Variants in ATOSA observed in about 807,000 individuals in gnomAD.
The protein encoded by ATOSA is atos homolog A.
At chr15:52,610,544 T>A in the ATOSA span, among the ~76,000 whole-genome samples, 1,156 of 152,356 alleles carry the variant, frequency 7.6e-3, 15 homozygotes, top group African/African-American at 0.027. Context: ...ATAATTCTGA[T>A]AAAACCAATG....
the ATOSA span, among the ~76,000 whole-genome samples, chr15:52,651,539 C>T: frequency 1.3e-5 from 2 of 152,200 alleles, no homozygotes; most frequent in Admixed American, 1.3e-4. Flanking sequence ...ACAGTTAATG[C>T]TTCTGGCTAA....
chr15:52,703,376 C>T, the ATOSA span, among the ~76,000 whole-genome samples: 14 of 152,048 alleles, frequency 9.2e-5, no homozygotes, highest in African/African-American at 3.4e-4. Flanking sequence ...CAAAAATGGT[C>T]TTTAAAAGAT....
the ATOSA span, among the ~76,000 whole-genome samples, chr15:52,619,265 A>T: frequency 1.8e-4 from 27 of 152,254 alleles, no homozygotes; most frequent in Non-Finnish European, 2.8e-4. Flanking sequence ...GCAGTAAAAA[A>T]TTTTTTTAAA....
At chr15:52,630,513 T>A in the ATOSA span, among the ~76,000 whole-genome samples, 1 of 152,336 alleles carries the variant, frequency 6.6e-6, no homozygotes, top group Non-Finnish European at 1.5e-5. Context: ...GATTTCACAT[T>A]CAAAGGATTG....
At chr15:52,588,716 T>C in the ATOSA span, among the ~76,000 whole-genome samples, 1 of 152,240 alleles carries the variant, frequency 6.6e-6, no homozygotes, top group African/African-American at 2.4e-5. Flanking sequence ...CCACCCAAAG[T>C]GCTGGGATGA....
chr15:52,643,455 C>CTT, the ATOSA span, among the ~76,000 whole-genome samples: 24 of 133,340 alleles, frequency 1.8e-4, no homozygotes, highest in East Asian at 4.1e-4. Flanking sequence ...CCTCACCTGG[C>CTT]TTTTTTTTTT....
At chr15:52,601,013 A>T in the ATOSA span, 2 of 883,704 alleles carry the variant, frequency 2.3e-6, no homozygotes, top group African/African-American at 3.4e-5. Context: ...TAGAATCAAC[A>T]TTATTTATTG....
At chr15:52,625,244 TACCTA>T in the ATOSA span, among the ~76,000 whole-genome samples, 11 of 152,080 alleles carry the variant, frequency 7.2e-5, no homozygotes, top group African/African-American at 2.7e-4. Context: ...AGTTTCTCAA[TACCTA>T]GTACAAGTCA....
the ATOSA span, among the ~76,000 whole-genome samples, chr15:52,632,689 A>T: frequency 2.0e-5 from 3 of 152,242 alleles, no homozygotes; most frequent in Admixed American, 6.5e-5. Flanking sequence ...TTTAAAAATG[A>T]CTATAAACAT....
chr15:52,629,356 T>G, the ATOSA span, among the ~76,000 whole-genome samples: 4 of 152,034 alleles, frequency 2.6e-5, no homozygotes, highest in Non-Finnish European at 5.9e-5. Flanking sequence ...CACATCATAA[T>G]CACTCAAAGT....
the ATOSA span, among the ~76,000 whole-genome samples, chr15:52,702,909 T>C: frequency 2.0e-5 from 3 of 152,038 alleles, no homozygotes; most frequent in African/African-American, 7.2e-5. Flanking sequence ...GTCAGATACT[T>C]ACCCAAGGGA....
At chr15:52,658,818 A>G in the ATOSA span, 1 of 393,628 alleles carries the variant, frequency 2.5e-6, no homozygotes, top group Non-Finnish European at 4.5e-6. Flanking sequence ...AAAAAAAAAA[A>G]AAAAAAAAAA....
the ATOSA span, chr15:52,593,680 G>A: frequency 3.2e-5 from 50 of 1,558,792 alleles, no homozygotes; most frequent in Admixed American, 5.8e-5. Flanking sequence ...CCCCTACCTC[G>A]GCAGTAAAAC....
the ATOSA span, among the ~76,000 whole-genome samples, chr15:52,653,177 CT>C: frequency 6.6e-6 from 1 of 152,060 alleles, no homozygotes; most frequent in African/African-American, 2.4e-5. Context: ...TTACTCAGAT[CT>C]TTGTTTATCT....
chr15:52,658,895 G>T, the ATOSA span: 1 of 396,366 alleles, frequency 2.5e-6, no homozygotes, highest in East Asian at 3.6e-5. Context: ...TGAGGCAGAA[G>T]GATTGCTTGA....
At chr15:52,707,240 C>T in the ATOSA span, among the ~76,000 whole-genome samples, 3 of 152,216 alleles carry the variant, frequency 2.0e-5, no homozygotes, top group African/African-American at 4.8e-5. Flanking sequence ...GGTATTTACA[C>T]GGTCTCATTG....
At chr15:52,650,552 A>T in the ATOSA span, among the ~76,000 whole-genome samples, 538 of 152,344 alleles carry the variant, frequency 3.5e-3, 3 homozygotes, top group African/African-American at 0.013. Flanking sequence ...GCACAAAAGC[A>T]TGGGATAATA....
the ATOSA span, chr15:52,582,154 T>C: frequency 6.4e-7 from 1 of 1,567,414 alleles, no homozygotes. Flanking sequence ...TCACTCCTTA[T>C]CAACATCTTG....
the ATOSA span, chr15:52,609,710 T>C: frequency 6.2e-7 from 1 of 1,613,798 alleles, no homozygotes; most frequent in South Asian, 1.1e-5. Flanking sequence ...TGGAGTGAAC[T>C]AGACTCTTGA....
Sources: gnomAD v4.1 joint callset for allele counts (sites outside exome capture counted in the v4.1 genomes callset) on GRCh38, gnomAD v4.1.1 for gene constraint, MANE v1.5 for transcripts, NCBI Gene and HGNC (gene_info 2026-07-23, HGNC 2026-07-21) for gene names.